ASAP3: variants seen among roughly 807,000 people sequenced by gnomAD.
The protein encoded by ASAP3 is ArfGAP with SH3 domain, ankyrin repeat and PH domain 3.
ASAP3 carries 85 observed loss-of-function variants against 118.2 expected under a neutral mutation model. The ratio of observed to expected loss-of-function variants is 0.72; its 90% CI spans 0.60 to 0.86. The LOEUF is 0.86. Ranked by LOEUF, ASAP3 falls within the 40% of genes least tolerant of loss-of-function variation. The probability of loss-of-function intolerance (pLI) is 0.00; values close to 1 mark genes in which losing one functional copy is unlikely to be tolerated. For missense variants in ASAP3, 1,026 were observed against 1,175.0 expected (o/e 0.87, Z 1.85); for synonymous variants, 432 against 477.4 (o/e 0.90, Z 1.24).
At chr1:23,456,928 A>G (rs1179454085) in intron 1 of ASAP3, among the ~76,000 whole-genome samples, 1 of 152,198 alleles carries the variant, frequency 6.6e-6, no homozygotes, top group African/African-American at 2.4e-5. Context: ...AGGCTGCAGA[A>G]CAAACATCAG....
At chr1:23,451,568 G>A (rs369206069) in intron 4 of ASAP3, 40 bp from the exon 5 acceptor site, 284 of 1,598,006 alleles carry the variant, frequency 1.8e-4, no homozygotes, top group Non-Finnish European at 2.4e-4. Context: ...GAGGGAAGCT[G>A]GAGCACTGGA....
At chr1:23,461,695 A>G (rs1641592805) in intron 1 of ASAP3, among the ~76,000 whole-genome samples, 1 of 151,680 alleles carries the variant, frequency 6.6e-6, no homozygotes, top group South Asian at 2.1e-4. Flanking sequence ...AAAACAAAAG[A>G]AAAAAGGGGA....
Position 23,437,215 on chromosome 1 carries a change from C to A in ASAP3, c.1257G>T (p.Gly419=). The A allele has an allele frequency of 6.2e-7, 1 of 1,600,956 alleles. No individual in the cohort carries two copies. The highest frequency in any genetic ancestry group is 8.5e-7 in the Non-Finnish European group (1 of 1,174,070). ...GCAGCTTTGTGAGGTCGTGCGGCTC[C>A]CCATCATGGCCGGCGGACCCCCAGG... ...PGSWGSAGHD[G]EPHDLTKLLI... Residue 419 remains glycine (G), a synonymous_variant, in exon 14 of 25, where the codon GGG becomes GGT. Transcript: ENST00000336689. This position sits in a 1 kb window ranked among gnomAD's most constrained non-coding sequence, Gnocchi z 6.1.
intron 1 of ASAP3, among the ~76,000 whole-genome samples, chr1:23,469,181 C>A (rs992512317): frequency 3.3e-5 from 5 of 151,864 alleles, no homozygotes; most frequent in African/African-American, 1.2e-4. Flanking sequence ...GTGGCACACA[C>A]CTGTAGTCCC....
intron 1 of ASAP3, among the ~76,000 whole-genome samples, chr1:23,479,171 G>C (rs114451074): frequency 6.6e-6 from 1 of 152,154 alleles, no homozygotes; most frequent in African/African-American, 2.4e-5. Context: ...TCTAGTGTCC[G>C]GTTACCTTTA....
At chr1:23,465,342 T>C (rs1363865821) in intron 1 of ASAP3, among the ~76,000 whole-genome samples, 1 of 152,248 alleles carries the variant, frequency 6.6e-6, no homozygotes, top group East Asian at 1.9e-4. Flanking sequence ...ATGTCCCAAG[T>C]GCCTGCTCTG....
At chr1:23,451,257 G>C (rs1482509791) in intron 5 of ASAP3, among the ~76,000 whole-genome samples, 1 of 152,206 alleles carries the variant, frequency 6.6e-6, no homozygotes, top group African/African-American at 2.4e-5. Flanking sequence ...GGGACTCTGA[G>C]AGCAGCATCC....
intron 1 of ASAP3, among the ~76,000 whole-genome samples, chr1:23,461,844 C>CTAGT (rs1349250087): frequency 6.6e-6 from 1 of 152,156 alleles, no homozygotes. Context: ...AGCCTTGTCC[C>CTAGT]TAGTGATTAG....
At chr1:23,439,097 G>T (rs1304964536) in intron 11 of ASAP3, 64 bp downstream of exon 11, 3 of 1,576,194 alleles carry the variant, frequency 1.9e-6, no homozygotes, top group Non-Finnish European at 2.6e-6. Context: ...GACATTATTT[G>T]CTCAGAACAC....
In ASAP3 at chr1:23,429,818, TG is replaced by T; in HGVS notation, c.*37del. The stretch of plus-strand genomic sequence containing the variant: ...GAGCTCAAGTCCCAGCTCTGAACAT[TG>T]GGGCCTAGCATGGGGCATGTGGGGG... On this transcript the variant is annotated 3_prime_UTR_variant, in exon 25 of 25. Transcript: ENST00000336689. 6.2e-7 allele frequency: 1 copy of T among 1,600,936 alleles called. No homozygotes were observed.
At position 23,434,634 on chromosome 1, in the gene ASAP3, C is replaced by T; in HGVS notation, c.1750-16G>A. On this transcript the variant is annotated splice_polypyrimidine_tract_variant and intron_variant, in intron 17 of 24. Coordinates refer to ENST00000336689, the MANE Select transcript of ASAP3 (RefSeq NM_017707.4). The stretch of plus-strand genomic sequence containing the variant: ...CTTCAGGTGCCTGAAAACACATCCA[C>T]ACCTCTGAGATTCCCCCCCCAGTGC... The T allele has an allele frequency of 6.2e-7, 1 of 1,611,178 alleles. No homozygotes were observed. Among genetic ancestry groups the T allele is most frequent in the Non-Finnish European group, 8.5e-7 (1 of 1,179,414 alleles).
chr1:23,434,332 C>A lies in ASAP3; in HGVS notation c.1873G>T (p.Ala625Ser). Residue 625 changes from alanine to serine, a missense_variant, in exon 19 of 25, where the codon GCT becomes TCT. Ala to Ser is a moderately conservative substitution (Grantham distance 99). Coordinates refer to ENST00000336689, the MANE Select transcript of ASAP3 (RefSeq NM_017707.4). ...LDAKAADGNT[A>S]LHYAALYNQP... Reference sequence around the variant, plus strand: ...TTGTAGAGTGCTGCGTAGTGCAGAGCCGTGTTCCCGTCAGCAGCCTTGGCA... The same window carrying A: ...TTGTAGAGTGCTGCGTAGTGCAGAGACGTGTTCCCGTCAGCAGCCTTGGCA... 1 of 1,614,172 alleles carries A rather than the reference C, an allele frequency of 6.2e-7. No individual in the cohort carries two copies. The highest frequency in any genetic ancestry group is 8.5e-7 in the Non-Finnish European group (1 of 1,180,034).
At chr1:23,441,497 C>T (rs1227007070) in intron 8 of ASAP3, 24 bp from the exon 9 acceptor site, 6 of 1,613,250 alleles carry the variant, frequency 3.7e-6, no homozygotes, top group Non-Finnish European at 4.2e-6. Flanking sequence ...GATGGGATCC[C>T]ATCACCAGCC....
upstream of ASAP3, chr1:23,484,351 T>TCCGGCCCCGGTCCCGGCC (rs1030230407): frequency 1.0e-5 from 4 of 391,778 alleles, no homozygotes; most frequent in African/African-American, 9.0e-5. Context: ...AGGTCCAGGC[T>TCCGGCCCCGGTCCCGGCC]CCGGCCCCGG....
At chr1:23,466,407 C>T (rs1013690681) in intron 1 of ASAP3, among the ~76,000 whole-genome samples, 33 of 152,200 alleles carry the variant, frequency 2.2e-4, no homozygotes, top group Non-Finnish European at 2.5e-4. Flanking sequence ...GTAAGAGACA[C>T]GTCTGAGCTT....
At chr1:23,434,216 G>A (rs1207632957) in intron 19 of ASAP3, 38 bp downstream of exon 19, 1 of 1,601,604 alleles carries the variant, frequency 6.2e-7, no homozygotes, top group Non-Finnish European at 8.6e-7. Flanking sequence ...GGGGTAGTCA[G>A]GAATAGGAGT....
At chr1:23,458,757 T>G (rs992553346) in intron 1 of ASAP3, among the ~76,000 whole-genome samples, 15 of 150,972 alleles carry the variant, frequency 9.9e-5, no homozygotes, top group African/African-American at 3.7e-4. Flanking sequence ...AAAATCCAGA[T>G]GGGGAAACAG....
At chr1:23,468,325 T>G (rs1019507764) in intron 1 of ASAP3, among the ~76,000 whole-genome samples, 1 of 152,198 alleles carries the variant, frequency 6.6e-6, no homozygotes, top group African/African-American at 2.4e-5. Context: ...TCTGACCACA[T>G]TCCAAATATG....
intron 1 of ASAP3, among the ~76,000 whole-genome samples, chr1:23,482,272 A>G (rs1642329795): frequency 6.6e-6 from 1 of 152,334 alleles, no homozygotes; most frequent in Admixed American, 6.5e-5. Flanking sequence ...CTATAATCCT[A>G]GTACTTTGAG....
Sources: allele counts gnomAD v4.1 joint callset (sites outside exome capture counted in the v4.1 genomes callset), GRCh38; gene constraint gnomAD v4.1.1; non-coding constraint Gnocchi (gnomAD v3.1); transcripts MANE v1.5; gene names NCBI Gene and HGNC (gene_info 2026-07-23, HGNC 2026-07-21).